The following MYRIP variants were observed in gnomAD, a reference collection of about 807,000 sequenced individuals.
MYRIP encodes the protein rab effector MyRIP.
MYRIP carries 49 observed loss-of-function variants against 98.0 expected under a neutral mutation model. The observed-to-expected ratio is 0.50, with a 90% confidence interval of 0.40 to 0.63. The LOEUF is 0.63. Among genes scored for constraint, MYRIP ranks in the 30% least tolerant of loss-of-function variants. MYRIP has a pLI of 0.00. For missense variants in MYRIP, 1,004 were observed against 1,058.2 expected (o/e 0.95, Z 0.71); for synonymous variants, 404 against 409.5 (o/e 0.99, Z 0.16).
chr3:39,872,643 C>T (rs1044498855), intron 1 of MYRIP, among the ~76,000 whole-genome samples: 2 of 151,788 alleles, frequency 1.3e-5, no homozygotes, highest in African/African-American at 4.8e-5. Flanking sequence ...CAATTTCATC[C>T]ATGTCCCTAC....
At chr3:40,075,611 A>C (rs1461147798) in intron 3 of MYRIP, among the ~76,000 whole-genome samples, 1 of 152,236 alleles carries the variant, frequency 6.6e-6, no homozygotes, top group Non-Finnish European at 1.5e-5. Flanking sequence ...TAAATAACTT[A>C]ATAGAATGCT....
chr3:40,033,804 C>G (rs1947314625), intron 2 of MYRIP, among the ~76,000 whole-genome samples: 1 of 152,124 alleles, frequency 6.6e-6, no homozygotes, highest in Admixed American at 6.5e-5. Context: ...AGGCATCACG[C>G]TACCTGACTT....
At chr3:40,202,906 C>CTTAT (rs35758632) in intron 10 of MYRIP, among the ~76,000 whole-genome samples, 1,426 of 142,478 alleles carry the variant, frequency 0.01, 17 homozygotes, top group African/African-American at 0.021. Context: ...CCTCCATTTA[C>CTTAT]TTATTTATTT....
At chr3:40,235,154 G>T (rs1180839403) in intron 12 of MYRIP, among the ~76,000 whole-genome samples, 1 of 152,142 alleles carries the variant, frequency 6.6e-6, no homozygotes, top group Middle Eastern at 3.2e-3. Context: ...TGGGAACTGA[G>T]TAAGACTCTA....
intron 1 of MYRIP, among the ~76,000 whole-genome samples, chr3:39,884,379 G>A (rs1324981291): frequency 3.3e-5 from 5 of 152,102 alleles, no homozygotes; most frequent in African/African-American, 9.7e-5. Flanking sequence ...GGGCCACAGT[G>A]CTCAGATATG....
At chr3:40,055,694 T>C (rs1947871421) in intron 3 of MYRIP, among the ~76,000 whole-genome samples, 2 of 152,172 alleles carry the variant, frequency 1.3e-5, no homozygotes. Flanking sequence ...CATCTGTCCA[T>C]AGCACTTTAC....
intron 16 of MYRIP, 72 bp from the exon 17 acceptor site, chr3:40,258,062 A>G: frequency 6.6e-7 from 1 of 1,518,678 alleles, no homozygotes; most frequent in Non-Finnish European, 9.1e-7. Context: ...AAAGCAGTAA[A>G]CATTATTTTT....
chr3:40,099,542 A>G (rs1222829141), intron 3 of MYRIP, among the ~76,000 whole-genome samples: 1 of 152,202 alleles, frequency 6.6e-6, no homozygotes, highest in Non-Finnish European at 1.5e-5. Flanking sequence ...ATATGTTTAC[A>G]CATGCACTGG....
chr3:39,884,288 T>C (rs1458768), intron 1 of MYRIP, among the ~76,000 whole-genome samples: 97,655 of 151,974 alleles, frequency 0.64, 33,035 homozygotes, highest in African/African-American at 0.87. Flanking sequence ...TGTCCCTCCC[T>C]GCTCCTCCCT....
chr3:39,893,697 C>T (rs1276239283), intron 1 of MYRIP, among the ~76,000 whole-genome samples: 8 of 151,870 alleles, frequency 5.3e-5, no homozygotes, highest in Non-Finnish European at 8.8e-5. Flanking sequence ...CACACACACA[C>T]ACACACACAC....
At position 40,036,249 on chromosome 3, in the gene MYRIP, C is replaced by G. The variant is rs886257059; in HGVS notation, c.111-7801C>G. 2.3e-5 allele frequency among the ~76,000 whole-genome samples: 3 copies of G among 128,120 alleles called. No individual in the cohort carries two copies. In the Admixed American group the frequency reaches 2.8e-4, roughly 12 times the overall value. The allele number at this position is 128,120 out of a possible 152,430, so 84.1% of individuals were successfully genotyped here. A position where few individuals can be genotyped will look rare whatever the true frequency, so the allele number is the denominator to read the frequency against. The stretch of plus-strand genomic sequence containing the variant: ...ACTAACCAGTGAGAGAAGTTAGAGT[C>G]TTCTACAAAGGAAGAATTACACTGA... On this transcript the variant is annotated intron_variant, in intron 2 of 16. Coordinates refer to ENST00000302541, the MANE Select transcript of MYRIP (RefSeq NM_015460.4).
chr3:39,993,345 G>A (rs1367335893), intron 2 of MYRIP, among the ~76,000 whole-genome samples: 1 of 152,130 alleles, frequency 6.6e-6, no homozygotes, highest in East Asian at 1.9e-4. Context: ...ATACTTTTTG[G>A]GGAATATATC....
Position 40,044,233 on chromosome 3 carries a change from C to G in MYRIP, c.294C>G (p.His98Gln). The G allele has an allele frequency of 6.2e-7, 1 of 1,614,170 alleles. No individual in the cohort carries two copies. ...AGAGCTGCTGCTCCTACCAGAAGCACGAAAAGGCCTGGGTCTGCTGCGTCT... is the reference window on the plus strand; with the variant it reads ...AGAGCTGCTGCTCCTACCAGAAGCAGGAAAAGGCCTGGGTCTGCTGCGTCT... The part of the protein sequence containing the change: ...VCKSCCSYQK[H>Q]EKAWVCCVCQ... Residue 98 changes from histidine (H) to glutamine (Q), a missense_variant, in exon 3 of 17, where the codon CAC becomes CAG. By Grantham distance (24) the His-to-Gln change is conservative. Coordinates refer to ENST00000302541, the MANE Select transcript of MYRIP (RefSeq NM_015460.4).
chr3:40,153,291 AAAC>A (rs1169812977), intron 4 of MYRIP, among the ~76,000 whole-genome samples: 1 of 152,168 alleles, frequency 6.6e-6, no homozygotes, highest in African/African-American at 2.4e-5. Context: ...CATGGTCATA[AAAC>A]AACGAGATCT....
intron 2 of MYRIP, among the ~76,000 whole-genome samples, chr3:39,990,232 G>A (rs370239064): frequency 3.9e-5 from 6 of 152,138 alleles, no homozygotes; most frequent in Admixed American, 3.3e-4. Flanking sequence ...CCCTTGGCTG[G>A]GGGGAGTGGA....
At chr3:39,864,351 C>G (rs550825601) in intron 1 of MYRIP, among the ~76,000 whole-genome samples, 66 of 152,222 alleles carry the variant, frequency 4.3e-4, no homozygotes, top group Middle Eastern at 3.4e-3. Context: ...GAGAGGAAGT[C>G]AAACTACCCC....
intron 1 of MYRIP, among the ~76,000 whole-genome samples, chr3:39,887,851 T>G (rs1169378980): frequency 9.9e-5 from 15 of 152,084 alleles, no homozygotes; most frequent in Admixed American, 9.8e-4. Context: ...AAAATCAATG[T>G]ACAAAAATCA....
chr3:40,145,045 T>A (rs1949981649), intron 3 of MYRIP, among the ~76,000 whole-genome samples: 1 of 152,242 alleles, frequency 6.6e-6, no homozygotes, highest in East Asian at 1.9e-4. Context: ...TTATTTATGT[T>A]ATATTATTTA....
chr3:40,020,552 G>A (rs759368579), intron 2 of MYRIP, among the ~76,000 whole-genome samples: 51 of 152,134 alleles, frequency 3.4e-4, no homozygotes, highest in Admixed American at 2.3e-3. Context: ...GAAGTAGCAC[G>A]TGTTATTTTG....
Sources: gnomAD v4.1 joint callset for allele counts (sites outside exome capture counted in the v4.1 genomes callset) on GRCh38, gnomAD v4.1.1 for gene constraint, MANE v1.5 for transcripts, NCBI Gene and HGNC (gene_info 2026-07-23, HGNC 2026-07-21) for gene names.